STPG2: variants seen among roughly 807,000 people sequenced by gnomAD.
STPG2 encodes sperm-tail PG-rich repeat-containing protein 2.
A neutral mutation model predicts 54.2 loss-of-function variants in STPG2; 56 were observed. That is an observed-to-expected ratio of 1.03 (90% confidence interval 0.83 to 1.29). The LOEUF (loss-of-function observed/expected upper bound fraction) is 1.29. Among genes scored for constraint, STPG2 ranks in the 50% most tolerant of loss-of-function variants. STPG2 has a pLI of 0.00. For synonymous variants in STPG2, 200 were observed against 181.8 expected (o/e 1.10, Z -0.81); for missense variants, 596 against 544.9 (o/e 1.09, Z -0.93).
At chr4:97,693,281 C>T (rs1309600651) in intron 10 of STPG2, among the ~76,000 whole-genome samples, 1 of 152,016 alleles carries the variant, frequency 6.6e-6, no homozygotes, top group Non-Finnish European at 1.5e-5. Flanking sequence ...AAGAATTCAT[C>T]AACCAAGTAT....
At chr4:97,883,719 AG>A (rs1176573706) in intron 8 of STPG2, among the ~76,000 whole-genome samples, 1 of 152,208 alleles carries the variant, frequency 6.6e-6, no homozygotes, top group East Asian at 1.9e-4. Flanking sequence ...TACAAGAAGA[AG>A]AAAAAAAGTT....
intron 9 of STPG2, among the ~76,000 whole-genome samples, chr4:97,818,923 GTA>G (rs1417344265): frequency 6.8e-6 from 1 of 147,512 alleles, no homozygotes; most frequent in African/African-American, 2.5e-5. Flanking sequence ...TACTCTCTCT[GTA>G]TATATATTTA....
chr4:97,583,661 C>T (rs1477655134), intron 10 of STPG2, among the ~76,000 whole-genome samples: 1 of 151,674 alleles, frequency 6.6e-6, no homozygotes, highest in Non-Finnish European at 1.5e-5. Context: ...CTCACATAAA[C>T]TTAAGGTAAA....
At chr4:97,835,780 C>T (rs1728614307) in intron 9 of STPG2, among the ~76,000 whole-genome samples, 1 of 152,010 alleles carries the variant, frequency 6.6e-6, no homozygotes, top group South Asian at 2.1e-4. Context: ...GGGAAGATGT[C>T]AAAAGATGAA....
At chr4:97,530,498 A>ATG (rs538280530) in intron 4 of STPG2, among the ~76,000 whole-genome samples, 4,154 of 149,288 alleles carry the variant, frequency 0.028, 107 homozygotes, top group African/African-American at 0.071. Context: ...GAAAACCAAA[A>ATG]TGTGTGTGTG....
At chr4:97,831,662 A>G (rs1283596214) in intron 9 of STPG2, among the ~76,000 whole-genome samples, 2 of 152,200 alleles carry the variant, frequency 1.3e-5, no homozygotes, top group Non-Finnish European at 2.9e-5. Flanking sequence ...GATCAAATAC[A>G]TGCAATAAAA....
In STPG2 at chr4:97,790,138, G is replaced by A. The variant is rs148267135; in HGVS notation, c.1204+50635C>T. ...CCACTAGTTGTAAACCCATGTAGGC[G>A]GGGATCTTTTCTGCTTTTGCTCACG... On this transcript the variant is annotated intron_variant, in intron 9 of 10. Transcript: ENST00000295268. 5.0e-4 allele frequency among the ~76,000 whole-genome samples: 76 copies of A among 151,532 alleles called. 1 individual carries two copies. The highest frequency in any genetic ancestry group is 2.1e-3 in the Admixed American group (32 of 15,182).
chr4:97,967,213 G>A (rs1354560065), intron 7 of STPG2, among the ~76,000 whole-genome samples: 1 of 147,794 alleles, frequency 6.8e-6, no homozygotes, highest in Non-Finnish European at 1.5e-5. Context: ...AGCAGTGATG[G>A]CAATCCTAGT....
At chr4:97,788,279 T>C (rs1181461519) in intron 9 of STPG2, among the ~76,000 whole-genome samples, 3 of 152,008 alleles carry the variant, frequency 2.0e-5, no homozygotes, top group Non-Finnish European at 4.4e-5. Context: ...TTCTATGAAT[T>C]CAATTGTTTT....
At chr4:97,675,852 C>T (rs1045382494) in intron 10 of STPG2, among the ~76,000 whole-genome samples, 2 of 149,242 alleles carry the variant, frequency 1.3e-5, no homozygotes, top group Non-Finnish European at 3.0e-5. Flanking sequence ...AGAGTAATAA[C>T]ATTGAAATAC....
chr4:97,711,775 T>A (rs763739934), intron 10 of STPG2, among the ~76,000 whole-genome samples: 2 of 151,646 alleles, frequency 1.3e-5, no homozygotes, highest in Non-Finnish European at 2.9e-5. Flanking sequence ...ATCCAAGCGA[T>A]TCTCCTGCCC....
chr4:97,623,638 A>G (rs1396816464), intron 10 of STPG2, among the ~76,000 whole-genome samples: 1 of 152,004 alleles, frequency 6.6e-6, no homozygotes, highest in Non-Finnish European at 1.5e-5. Context: ...AAAAAATTTC[A>G]CTTTATTTTA....
intron 4 of STPG2, among the ~76,000 whole-genome samples, chr4:97,518,437 G>A (rs915844493): frequency 6.6e-6 from 1 of 152,044 alleles, no homozygotes; most frequent in African/African-American, 2.4e-5. Context: ...AAGGTTAAAA[G>A]TTATGACATG....
At chr4:97,566,535 C>A (rs531015848) in intron 10 of STPG2, among the ~76,000 whole-genome samples, 1 of 152,154 alleles carries the variant, frequency 6.6e-6, no homozygotes, top group Non-Finnish European at 1.5e-5. Context: ...GCGTCGCTCA[C>A]GCTGGGAGCT....
At chr4:97,918,908 C>T (rs1282982428) in intron 8 of STPG2, among the ~76,000 whole-genome samples, 2 of 152,092 alleles carry the variant, frequency 1.3e-5, no homozygotes, top group Non-Finnish European at 2.9e-5. Context: ...CAGAAATCAC[C>T]ATTAAATAGC....
rs75832019 is a variant in STPG2 at position 98,049,599 on chromosome 4, C to A, written c.612+56354G>T. 1.8e-3 allele frequency among the ~76,000 whole-genome samples: 277 copies of A among 152,256 alleles called. 3 individuals are homozygous for A. The highest frequency in any genetic ancestry group is 0.017 in the Admixed American group (255 of 15,298). On this transcript the variant is annotated intron_variant, in intron 5 of 10. Transcript: ENST00000295268. ...ATCACCATTGGAGGATGCTAAGCAA[C>A]AATTTATCTTTTGAAAAGCAATAAA...
chr4:97,801,942 C>T (rs901592737), intron 9 of STPG2, among the ~76,000 whole-genome samples: 3 of 152,268 alleles, frequency 2.0e-5, no homozygotes, highest in Admixed American at 6.5e-5. Flanking sequence ...TAAGACTAAG[C>T]TTTAGTTCAG....
chr4:98,130,463 A>G (rs1384180969), intron 2 of STPG2, among the ~76,000 whole-genome samples: 1 of 152,184 alleles, frequency 6.6e-6, no homozygotes, highest in African/African-American at 2.4e-5. Context: ...GATTACAGGC[A>G]TAAGCCACCA....
intron 5 of STPG2, among the ~76,000 whole-genome samples, chr4:98,039,640 T>C (rs575535432): frequency 1.5e-4 from 22 of 151,532 alleles, no homozygotes; most frequent in Admixed American, 8.6e-4. Context: ...TATATTCATG[T>C]AACAAAACTG....
Sources: gnomAD v4.1 joint callset for allele counts (sites outside exome capture counted in the v4.1 genomes callset) on GRCh38, gnomAD v4.1.1 for gene constraint, MANE v1.5 for transcripts, NCBI Gene and HGNC (gene_info 2026-07-23, HGNC 2026-07-21) for gene names.